Variants in SHANK2 observed in about 807,000 individuals in gnomAD.
The protein encoded by SHANK2 is SH3 and multiple ankyrin repeat domains 2, also known as SH3 and multiple ankyrin repeat domains protein 2.
SHANK2 carries 43 observed loss-of-function variants against 133.7 expected under a neutral mutation model. The observed-to-expected ratio is 0.32, with a 90% CI of 0.25 to 0.41. The LOEUF is 0.41. Ranked by LOEUF, SHANK2 falls within the 10% of genes least tolerant of loss-of-function variation. The probability of loss-of-function intolerance (pLI) is 1.00; values close to 1 mark genes in which losing one functional copy is unlikely to be tolerated. For synonymous variants in SHANK2, 1,017 were observed against 952.8 expected (o/e 1.07, Z -1.24); for missense variants, 1,994 against 2,235.8 (o/e 0.89, Z 2.18).
intron 14 of SHANK2, among the ~76,000 whole-genome samples, chr11:70,764,104 A>ATCCATCCATCCC (rs1947058817): frequency 1.9e-5 from 2 of 106,342 alleles, no homozygotes; most frequent in African/African-American, 3.7e-5. Context: ...CCATCCACCC[A>ATCCATCCATCCC]CCCACCCACC....
chr11:70,675,464 G>C (rs542821926), intron 15 of SHANK2, among the ~76,000 whole-genome samples: 1 of 152,222 alleles, frequency 6.6e-6, no homozygotes, highest in African/African-American at 2.4e-5. Flanking sequence ...AAGCCAGGCT[G>C]TCTGAACCAC....
intron 3 of SHANK2, among the ~76,000 whole-genome samples, chr11:71,140,266 TAG>T (rs1347657777): frequency 6.6e-6 from 1 of 151,948 alleles, no homozygotes; most frequent in East Asian, 1.9e-4. Flanking sequence ...CTCCCACGAG[TAG>T]AGACTAAACC....
In SHANK2 at chr11:70,499,443, C is replaced by T. The variant is rs190482001; in HGVS notation, c.2308+1127G>A. Among the ~76,000 whole-genome samples the T allele has an allele frequency of 2.2e-3, 333 of 152,290 alleles. 1 individual carries two copies. Among genetic ancestry groups the T allele is most frequent in the South Asian group, 5.2e-3 (25 of 4,814 alleles). On this transcript the variant is annotated intron_variant, in intron 21 of 25. Transcript: ENST00000601538. ...GGTCCCAGCAGGCCACAGGCGCCCA[C>T]GGTGGCTCAGCCACCTGAGTCCCGA...
chr11:70,818,735 C>T (rs201411633), intron 12 of SHANK2, among the ~76,000 whole-genome samples: 14 of 152,194 alleles, frequency 9.2e-5, no homozygotes, highest in Non-Finnish European at 1.6e-4. Flanking sequence ...AAGGCCAAAG[C>T]GTTGAGAGGA....
rs200495171 is a variant in SHANK2, at chr11:71,145,973, G to A, written c.207+1147C>T. On this transcript the variant is annotated intron_variant, in intron 3 of 25. Coordinates refer to ENST00000601538, the MANE Select transcript of SHANK2 (RefSeq NM_012309.5). The stretch of plus-strand genomic sequence containing the variant: ...CTTCTAGAAAGCACAGATGGAGACT[G>A]TGACGAGCCTCACCCAGATGCCCCT... Among the ~76,000 whole-genome samples, 4 of 152,210 alleles carry A rather than the reference G, an allele frequency of 2.6e-5. No homozygotes were observed. In the East Asian group the frequency reaches 7.7e-4, roughly 29 times the overall value.
chr11:70,636,790 G>T (rs141985565), intron 17 of SHANK2, among the ~76,000 whole-genome samples: 3 of 152,304 alleles, frequency 2.0e-5, no homozygotes, highest in Non-Finnish European at 4.4e-5. Context: ...GAGCATGTGT[G>T]AGCGTGTGTG....
rs1261108223 is a variant in SHANK2 at position 70,485,831 on chromosome 11, C to T, written c.4462G>A (p.Asp1488Asn). The change falls in exon 25 of 26, where the codon GAC (aspartate) becomes AAC (asparagine). Residue 1488 changes from aspartate to asparagine, a missense_variant. Around this residue, in one of 5 missense-constraint regions of SHANK2, gnomAD observed 797 missense variants for 907.4 expected, o/e 0.88. Coordinates refer to ENST00000601538, the MANE Select transcript of SHANK2 (RefSeq NM_012309.5). The surrounding 1 kb of genome is among the most constrained non-coding windows in gnomAD (Gnocchi z 5.8). ...PPPESFDAVA[D>N]SGIEEVDSRS... Reference sequence around the variant, plus strand: ...CTGTCCACCTCCTCGATCCCAGAGTCGGCGACGGCGTCAAAGCTTTCAGGG... The same window carrying T: ...CTGTCCACCTCCTCGATCCCAGAGTTGGCGACGGCGTCAAAGCTTTCAGGG... 1.2e-6 allele frequency: 2 copies of T among 1,613,924 alleles called. No individual in the cohort carries two copies. Among genetic ancestry groups the T allele is most frequent in the Non-Finnish European group, 8.5e-7 (1 of 1,180,020 alleles).
At chr11:70,540,761 G>A (rs893392431) in intron 17 of SHANK2, among the ~76,000 whole-genome samples, 3 of 148,264 alleles carry the variant, frequency 2.0e-5, no homozygotes, top group South Asian at 4.4e-4. Flanking sequence ...GCAACGCCCA[G>A]CCACTCGGGA....
chr11:70,498,849 GTTCC>G, intron 21 of SHANK2, among the ~76,000 whole-genome samples: 1 of 152,270 alleles, frequency 6.6e-6, no homozygotes, highest in Non-Finnish European at 1.5e-5. Context: ...TTCTTGGCTT[GTTCC>G]TTCCTTCTTT....
intron 2 of SHANK2, among the ~76,000 whole-genome samples, chr11:71,168,695 C>T (rs7395978): frequency 0.35 from 52,916 of 151,994 alleles, 10,970 homozygotes; most frequent in Admixed American, 0.53. Flanking sequence ...CGTGGCGGCG[C>T]GCGCCTGCAA....
chr11:70,584,149 C>T (rs1259193661), intron 17 of SHANK2, among the ~76,000 whole-genome samples: 4 of 152,144 alleles, frequency 2.6e-5, no homozygotes, highest in African/African-American at 9.7e-5. Flanking sequence ...CTTGGTTGGC[C>T]CCTGATGTGT....
chr11:70,483,998 A>T (rs1303492241), intron 25 of SHANK2, among the ~76,000 whole-genome samples: 1 of 152,236 alleles, frequency 6.6e-6, no homozygotes, highest in Non-Finnish European at 1.5e-5. Context: ...GAGTGGCTTA[A>T]ATCAAATGCC....
chr11:70,774,998 T>A (rs1480246634), intron 14 of SHANK2, among the ~76,000 whole-genome samples: 3 of 151,876 alleles, frequency 2.0e-5, no homozygotes, highest in African/African-American at 7.3e-5. Context: ...CTCTAAAAAA[T>A]AAACATTGCT....
chr11:71,107,334 C>T (rs1444045635), intron 6 of SHANK2, among the ~76,000 whole-genome samples: 1 of 152,146 alleles, frequency 6.6e-6, no homozygotes, highest in Non-Finnish European at 1.5e-5. Flanking sequence ...GGGTCTCTGC[C>T]TTTGCTGGAG....
At chr11:70,571,185 A>G (rs1300459397) in intron 17 of SHANK2, 2 of 152,256 alleles carry the variant, frequency 1.3e-5, no homozygotes, top group African/African-American at 4.8e-5. Flanking sequence ...TGGGCTCTGC[A>G]TCTGCACCCG....
intron 10 of SHANK2, among the ~76,000 whole-genome samples, chr11:70,944,250 G>A (rs2135858608): frequency 6.6e-6 from 1 of 152,362 alleles, no homozygotes; most frequent in Non-Finnish European, 1.5e-5. Flanking sequence ...ACTGTTGCCT[G>A]GGTTTCTGAG....
intron 1 of SHANK2, among the ~76,000 whole-genome samples, chr11:71,242,689 T>G (rs1445594976): frequency 6.6e-6 from 1 of 152,222 alleles, no homozygotes. Context: ...GGCAGAAATA[T>G]TTGTCTGTCT....
At chr11:70,482,837 C>A (rs2058754293) in intron 25 of SHANK2, among the ~76,000 whole-genome samples, 1 of 152,228 alleles carries the variant, frequency 6.6e-6, no homozygotes, top group Admixed American at 6.5e-5. Context: ...CCAGCCCCCT[C>A]TCAGGGTCCC....
intron 4 of SHANK2, among the ~76,000 whole-genome samples, chr11:71,117,385 C>T (rs1429374862): frequency 6.6e-6 from 1 of 152,124 alleles, no homozygotes; most frequent in African/African-American, 2.4e-5. Flanking sequence ...TTAAAAATTC[C>T]TTCTTTGTGC....
Sources: gnomAD v4.1 joint callset for allele counts (sites outside exome capture counted in the v4.1 genomes callset) on GRCh38, gnomAD v4.1.1 for gene constraint, gnomAD v4.1.1 regional missense constraint, Gnocchi (gnomAD v3.1) non-coding constraint, MANE v1.5 for transcripts, NCBI Gene and HGNC (gene_info 2026-07-23, HGNC 2026-07-21) for gene names.